The following RPL38 variants were observed in gnomAD, a reference collection of about 807,000 sequenced individuals.
RPL38 encodes the protein ribosomal protein L38.
A neutral mutation model predicts 12.8 loss-of-function variants in RPL38; 2 were observed. That is an observed-to-expected ratio of 0.16 (90% confidence interval 0.06 to 0.49). The LOEUF is 0.49. Among genes scored for constraint, RPL38 ranks in the 20% least tolerant of loss-of-function variants. The pLI is 0.96. For synonymous variants in RPL38, 42 were observed against 30.1 expected (o/e 1.39, Z -1.29); for missense variants, 52 against 79.8 (o/e 0.65, Z 1.33).
In RPL38 at chr17:74,210,150, G is replaced by A; in HGVS notation, c.*321G>A. ...TTACAGGCACACATCACCACGCCTGGCCAATTTTTGTATTTGTAGTAGAGA... is the reference window on the plus strand; with the variant it reads ...TTACAGGCACACATCACCACGCCTGACCAATTTTTGTATTTGTAGTAGAGA... On this transcript the variant is annotated 3_prime_UTR_variant, in exon 5 of 5. Coordinates refer to ENST00000311111, the MANE Select transcript of RPL38 (RefSeq NM_000999.4). 4.0e-6 allele frequency: 1 copy of A among 248,568 alleles called. No individual in the cohort carries two copies. The highest frequency in any genetic ancestry group is 7.8e-6 in the Non-Finnish European group (1 of 128,806). 15.4% of individuals were successfully genotyped at this position (248,568 alleles called of 1,614,324 possible). A position where few individuals can be genotyped will look rare whatever the true frequency, so the allele number is the denominator to read the frequency against.
intron 3 of RPL38, among the ~76,000 whole-genome samples, chr17:74,208,195 G>A (rs2050132364): frequency 6.6e-6 from 1 of 152,162 alleles, no homozygotes; most frequent in Admixed American, 6.5e-5. Flanking sequence ...ACAAATCCTG[G>A]GAGTATCTCT....
chr17:74,204,090 T>A (rs2050087338), intron 2 of RPL38, 40 bp from the exon 3 acceptor site: 2 of 1,613,068 alleles, frequency 1.2e-6, no homozygotes, highest in Non-Finnish European at 1.7e-6. Context: ...GGGAGACGTG[T>A]CTCTTTCCTC....
chr17:74,204,505 C>T (rs1435938124), intron 3 of RPL38: 2 of 397,996 alleles, frequency 5.0e-6, no homozygotes, highest in Non-Finnish European at 9.3e-6. Context: ...AAACACACGT[C>T]CCATAAACAC....
At position 74,209,936 on chromosome 17, in the gene RPL38, T is replaced by G; in HGVS notation, c.*107T>G. Reference sequence around the variant, plus strand: ...AAAAATGCTACCTCGTAGTGGCTTCTGATGGGAACAGGACGCGGGTTCTGT... The same window carrying G: ...AAAAATGCTACCTCGTAGTGGCTTCGGATGGGAACAGGACGCGGGTTCTGT... On this transcript the variant is annotated 3_prime_UTR_variant, in exon 5 of 5. Coordinates refer to ENST00000311111, the MANE Select transcript of RPL38 (RefSeq NM_000999.4). The G allele has an allele frequency of 1.1e-6, 1 of 897,320 alleles. No individual in the cohort carries two copies. Among genetic ancestry groups the G allele is most frequent in the Non-Finnish European group, 1.9e-6 (1 of 538,790 alleles). 55.6% of individuals were successfully genotyped at this position (897,320 alleles called of 1,614,324 possible). A position where few individuals can be genotyped will look rare whatever the true frequency, so the allele number is the denominator to read the frequency against.
In RPL38 at chr17:74,207,525, T is replaced by A. The variant is rs148450470; in HGVS notation, c.65-1662T>A. On this transcript the variant is annotated intron_variant, in intron 3 of 4. Coordinates refer to ENST00000311111, the MANE Select transcript of RPL38 (RefSeq NM_000999.4). Reference sequence around the variant, plus strand: ...TATGGCAATGTTGAGTAAACTTTTTTTTTATTTATTTTTTTTTTGAGATGG... The same window carrying A: ...TATGGCAATGTTGAGTAAACTTTTTATTTATTTATTTTTTTTTTGAGATGG... Among the ~76,000 whole-genome samples, 654 of 151,776 alleles carry A rather than the reference T, an allele frequency of 4.3e-3. 5 individuals are homozygous for A. The highest frequency in any genetic ancestry group is 0.017 in the Middle Eastern group (5 of 294).
Position 74,209,288 on chromosome 17 carries a change from C to T in RPL38, c.166C>T (p.Leu56=), listed in dbSNP as rs748181852. 1.2e-6 allele frequency: 2 copies of T among 1,614,094 alleles called. No individual in the cohort carries two copies. The highest frequency in any genetic ancestry group is 2.2e-5 in the East Asian group (1 of 44,870). ...CACTGACAAAGAGAAGGCAGAGAAACTGAAGCAGTCCCTGCCCCCCGGTGA... is the reference window on the plus strand; with the variant it reads ...CACTGACAAAGAGAAGGCAGAGAAATTGAAGCAGTCCCTGCCCCCCGGTGA... ...VITDKEKAEK[L]KQSLPPGLAV... is the part of the protein sequence containing the mutation. Residue 56 remains leucine (L), a synonymous_variant, in exon 4 of 5, where the codon CTG becomes TTG. Transcript: ENST00000311111.
chr17:74,206,958 C>T (rs948101373), intron 3 of RPL38, among the ~76,000 whole-genome samples: 6 of 151,912 alleles, frequency 3.9e-5, no homozygotes, highest in African/African-American at 1.4e-4. Context: ...CCTCATGATC[C>T]ACCTGCCTTG....
chr17:74,207,118 C>T (rs2050122292), intron 3 of RPL38, among the ~76,000 whole-genome samples: 1 of 151,848 alleles, frequency 6.6e-6, no homozygotes, highest in South Asian at 2.1e-4. Context: ...CGCAAGTGAT[C>T]CTCCCACCTT....
rs76061284 is a variant in RPL38, at chr17:74,208,244, A to G, written c.65-943A>G. Among the ~76,000 whole-genome samples the G allele has an allele frequency of 5.6e-3, 858 of 152,320 alleles. 3 individuals are homozygous for G. Among genetic ancestry groups the G allele is most frequent in the Middle Eastern group, 0.027 (8 of 294 alleles). On this transcript the variant is annotated intron_variant, in intron 3 of 4. Transcript: ENST00000311111. ...AGAGTTGGAACAAGGCATTCAGTGA[A>G]TACATGGAGTGGTAACTACTCCTGG...
At chr17:74,209,140 T>C (rs2050141888) in intron 3 of RPL38, 47 bp from the exon 4 acceptor site, 1 of 1,605,224 alleles carries the variant, frequency 6.2e-7, no homozygotes, top group African/African-American at 1.3e-5. Flanking sequence ...CTGTGTCACA[T>C]CTGTTTTCTG....
At chr17:74,208,724 C>T (rs1013324169) in intron 3 of RPL38, among the ~76,000 whole-genome samples, 11 of 152,176 alleles carry the variant, frequency 7.2e-5, no homozygotes, top group African/African-American at 2.7e-4. Context: ...TCACGAGGTC[C>T]AGAGATTAAG....
rs2050153702 is a variant in RPL38, at chr17:74,210,189, C to T, written c.*360C>T. Reference sequence around the variant, plus strand: ...TTGTAGTAGAGACAGGGTTTCACTGCCTGCCTCAGCCTCCCATAGTGCTGG... The same window carrying T: ...TTGTAGTAGAGACAGGGTTTCACTGTCTGCCTCAGCCTCCCATAGTGCTGG... On this transcript the variant is annotated 3_prime_UTR_variant, in exon 5 of 5. Transcript: ENST00000311111. 1.1e-5 allele frequency: 2 copies of T among 188,054 alleles called. No individual in the cohort carries two copies. The highest frequency in any genetic ancestry group is 2.1e-4 in the South Asian group (2 of 9,696). The allele number at this position is 188,054 out of a possible 1,614,324, so 11.6% of individuals were successfully genotyped here.
intron 3 of RPL38, chr17:74,204,528 C>T (rs1056266955): frequency 5.9e-6 from 2 of 341,596 alleles, no homozygotes; most frequent in East Asian, 6.4e-5. Context: ...TTTAGGTTCT[C>T]TGCAGTTGTG....
rs774041486 is a variant in RPL38 at position 74,204,011 on chromosome 17, G to A, written c.3+53G>A. 3.3e-5 allele frequency: 54 copies of A among 1,612,998 alleles called. No individual in the cohort carries two copies. In the African/African-American group the frequency reaches 6.7e-4, roughly 20 times the overall value. On this transcript the variant is annotated intron_variant, in intron 2 of 4. Coordinates refer to ENST00000311111, the MANE Select transcript of RPL38 (RefSeq NM_000999.4). Reference sequence around the variant, plus strand: ...CCCGGGGTGGGCTCGTGGGGCCCCGGGGCGAGGGCGAGAGAGCCTCCCAAG... The same window carrying A: ...CCCGGGGTGGGCTCGTGGGGCCCCGAGGCGAGGGCGAGAGAGCCTCCCAAG...
chr17:74,203,987 C>A (rs2050085449), intron 2 of RPL38, 29 bp downstream of exon 2: 1 of 1,613,008 alleles, frequency 6.2e-7, no homozygotes, highest in East Asian at 2.2e-5. Flanking sequence ...TGGCGCCTTC[C>A]CGGGGTGGGC....
chr17:74,204,358 G>T, intron 3 of RPL38, 168 bp downstream of exon 3: 1 of 627,956 alleles, frequency 1.6e-6, no homozygotes, highest in Non-Finnish European at 2.8e-6. Flanking sequence ...GACCTGTGGG[G>T]GGCACGTTGA....
chr17:74,206,547 CT>C (rs1404168259), intron 3 of RPL38, among the ~76,000 whole-genome samples: 1 of 152,128 alleles, frequency 6.6e-6, no homozygotes, highest in African/African-American at 2.4e-5. Context: ...GCTCCCCATT[CT>C]TCCCCAGCCC....
chr17:74,205,447 T>A (rs1038164163), intron 3 of RPL38: 5 of 152,240 alleles, frequency 3.3e-5, no homozygotes, highest in African/African-American at 9.7e-5. Context: ...AGGGAGAGTC[T>A]TTCAATGAGT....
rs139896940 is a variant in RPL38, at chr17:74,209,308, C to T, written c.186C>T (p.Pro62=). ...AGAAACTGAAGCAGTCCCTGCCCCC[C>T]GGTGAGTGAGCCTGAAGTCACTTCA... The part of the protein sequence containing the change: ...KAEKLKQSLP[P]GLAVKELK Residue 62 remains proline, a splice_region_variant and synonymous_variant, in exon 4 of 5, where the codon CCC becomes CCT. Coordinates refer to ENST00000311111, the MANE Select transcript of RPL38 (RefSeq NM_000999.4). 5.7e-4 allele frequency: 919 copies of T among 1,613,836 alleles called. 3 individuals carry two copies. In the African/African-American group the frequency reaches 8.3e-3, roughly 15 times the overall value.
Sources: gnomAD v4.1 joint callset for allele counts (sites outside exome capture counted in the v4.1 genomes callset) on GRCh38, gnomAD v4.1.1 for gene constraint, MANE v1.5 for transcripts, NCBI Gene and HGNC (gene_info 2026-07-23, HGNC 2026-07-21) for gene names.